Variants in ACTN4 observed in about 807,000 individuals in gnomAD.
ACTN4 encodes the protein actinin alpha 4, also known as alpha-actinin-4.
Under a neutral mutation model 114.2 loss-of-function variants are expected in ACTN4, and 18 were observed. The observed-to-expected ratio is 0.16, with a 90% CI of 0.11 to 0.23. ACTN4 has a LOEUF of 0.23. Ranked by LOEUF, ACTN4 falls within the 10% of genes least tolerant of loss-of-function variation. The pLI is 1.00. For missense variants in ACTN4, 722 were observed against 1,262.9 expected (o/e 0.57, Z 6.49); for synonymous variants, 515 against 506.3 (o/e 1.02, Z -0.23).
intron 1 of ACTN4, among the ~76,000 whole-genome samples, chr19:38,650,495 A>G (rs552528264): frequency 3.3e-5 from 5 of 152,226 alleles, no homozygotes; most frequent in Non-Finnish European, 7.4e-5. Context: ...CGCTAATACC[A>G]TCTGCTTTCG....
intron 1 of ACTN4, among the ~76,000 whole-genome samples, chr19:38,691,968 G>A (rs887853280): frequency 6.6e-6 from 1 of 152,098 alleles, no homozygotes; most frequent in Admixed American, 6.6e-5. Context: ...GCACCTCAAA[G>A]GGGATTGTCC....
At position 38,730,672 on chromosome 19, in the gene ACTN4, TG is replaced by T; in HGVS notation, c.*1241del. On this transcript the variant is annotated 3_prime_UTR_variant, in exon 21 of 21. Transcript: ENST00000252699. ...GCTCGAGAAGGGCTGTCGCTGTTCT[TG>T]TTTCTGAGTGAGGAGTACGCAGGCC... The T allele has an allele frequency of 1.5e-6, 1 of 687,712 alleles. No homozygotes were observed. The highest frequency in any genetic ancestry group is 2.5e-6 in the Non-Finnish European group (1 of 402,462). The allele number at this position is 687,712 out of a possible 1,614,324, so 42.6% of individuals were successfully genotyped here. A position where few individuals can be genotyped will look rare whatever the true frequency, so the allele number is the denominator to read the frequency against.
chr19:38,711,416 C>T lies in ACTN4; in HGVS notation c.819+1074C>T, dbSNP rs73038918. 145,779 of 875,050 alleles carry T rather than the reference C, an allele frequency of 0.17. 12,843 individuals are homozygous for T. Among genetic ancestry groups the T allele is most frequent in the Middle Eastern group, 0.31 (580 of 1,848 alleles). The allele number at this position is 875,050 out of a possible 1,614,324, so 54.2% of individuals were successfully genotyped here. On this transcript the variant is annotated intron_variant, in intron 8 of 20. Coordinates refer to ENST00000252699, the MANE Select transcript of ACTN4 (RefSeq NM_004924.6). Reference sequence around the variant, plus strand: ...GGGGCTGCAGACCTGCCTTCACCACCGCCCTTGCATCACCGCTGGCCATCT... The same window carrying T: ...GGGGCTGCAGACCTGCCTTCACCACTGCCCTTGCATCACCGCTGGCCATCT...
chr19:38,666,223 TC>T lies in ACTN4; in HGVS notation c.162+18323del, dbSNP rs3840936. 9.6e-3 allele frequency among the ~76,000 whole-genome samples: 1,448 copies of T among 151,000 alleles called. 78 individuals carry two copies. In the East Asian group the frequency reaches 0.13, roughly 13 times the overall value. On this transcript the variant is annotated intron_variant, in intron 1 of 20. Transcript: ENST00000252699. ...ATGCCATTCTTCAACTTCGCCCCTG[TC>T]CCCCCCAAAAGCAATCAAATCCACA...
Position 38,701,094 on chromosome 19 carries a change from G to A in ACTN4, c.370G>A (p.Val124Ile), listed in dbSNP as rs1216058614. ...KALDFIASKGVKLVSIGAEEI... is the reference protein window; with the variant it reads ...KALDFIASKGIKLVSIGAEEI... ...GCTGGACTTTATTGCCAGCAAAGGCGTCAAGCTGGTCTCCATCGGGGCAGA... is the reference window on the plus strand; with the variant it reads ...GCTGGACTTTATTGCCAGCAAAGGCATCAAGCTGGTCTCCATCGGGGCAGA... Residue 124 changes from valine (V) to isoleucine (I), a missense_variant, in exon 3 of 21, where the codon GTC (valine) becomes ATC (isoleucine). This residue lies in a region of ACTN4 where 127 missense variants were observed against 311.3 expected (regional missense o/e 0.41). Coordinates refer to ENST00000252699, the MANE Select transcript of ACTN4 (RefSeq NM_004924.6). 4.3e-6 allele frequency: 7 copies of A among 1,613,976 alleles called. No homozygotes were observed. Among genetic ancestry groups the A allele is most frequent in the Admixed American group, 1.7e-5 (1 of 60,010 alleles).
intron 1 of ACTN4, among the ~76,000 whole-genome samples, chr19:38,696,839 A>G (rs34899634): frequency 0.057 from 8,622 of 152,314 alleles, 259 homozygotes; most frequent in South Asian, 0.096. Flanking sequence ...GCGAGTGGGC[A>G]TCCTCCCTGA....
intron 1 of ACTN4, among the ~76,000 whole-genome samples, chr19:38,662,008 C>G (rs2144851857): frequency 6.6e-6 from 1 of 152,334 alleles, no homozygotes. Context: ...CTCTATAAAT[C>G]CCTCTTTCAC....
chr19:38,652,959 G>T (rs1320651941), intron 1 of ACTN4, among the ~76,000 whole-genome samples: 7 of 152,070 alleles, frequency 4.6e-5, no homozygotes, highest in Non-Finnish European at 1.0e-4. Context: ...GGTGGCAGGT[G>T]CCTGTAATCC....
intron 1 of ACTN4, among the ~76,000 whole-genome samples, chr19:38,672,160 C>A (rs8182484): frequency 0.15 from 22,675 of 151,376 alleles, 1,999 homozygotes; most frequent in Middle Eastern, 0.37. Context: ...AGGGTAGGGA[C>A]GAACATGGCG....
At chr19:38,706,838 T>C (rs948480363) in intron 5 of ACTN4, among the ~76,000 whole-genome samples, 2 of 152,230 alleles carry the variant, frequency 1.3e-5, no homozygotes, top group Admixed American at 1.3e-4. Context: ...AGCTCCACCA[T>C]GAACCTGCTT....
chr19:38,728,508 CG>C (rs1254200146), intron 19 of ACTN4: 1 of 674,462 alleles, frequency 1.5e-6, no homozygotes. Context: ...GACACTCCTC[CG>C]CCCGAGCAGC....
chr19:38,670,125 C>T (rs905751180), intron 1 of ACTN4, among the ~76,000 whole-genome samples: 5 of 152,132 alleles, frequency 3.3e-5, no homozygotes, highest in African/African-American at 9.7e-5. Context: ...CCCCTCCCAG[C>T]CCCACCATTC....
chr19:38,704,267 C>T (rs1211429659), intron 3 of ACTN4, among the ~76,000 whole-genome samples: 3 of 152,244 alleles, frequency 2.0e-5, no homozygotes, highest in Non-Finnish European at 2.9e-5. Flanking sequence ...GCTATGACTA[C>T]ACCATTGCAC....
At chr19:38,670,935 AAAAC>A (rs1358984188) in intron 1 of ACTN4, among the ~76,000 whole-genome samples, 1 of 151,616 alleles carries the variant, frequency 6.6e-6, no homozygotes, top group Non-Finnish European at 1.5e-5. Context: ...AAAAAAAAAA[AAAAC>A]CTGCAGGCCA....
rs1969181794 is a variant in ACTN4, at chr19:38,724,909, G to T, written c.2010+344G>T. On this transcript the variant is annotated intron_variant, in intron 16 of 20. Coordinates refer to ENST00000252699, the MANE Select transcript of ACTN4 (RefSeq NM_004924.6). This position sits in a 1 kb window ranked among gnomAD's most constrained non-coding sequence, Gnocchi z 7.0. The stretch of plus-strand genomic sequence containing the variant: ...GGAGGTCGAGGCTGCCGTGAGCTAC[G>T]ATCATGCCACTGCACTTCAGCCTGA... 6.6e-6 allele frequency among the ~76,000 whole-genome samples: 1 copy of T among 152,198 alleles called. No homozygotes were observed. Among genetic ancestry groups the T allele is most frequent in the African/African-American group, 2.4e-5 (1 of 41,454 alleles).
Position 38,729,024 on chromosome 19 carries a change from G to T in ACTN4, c.2447G>T (p.Ser816Ile). 6.2e-7 allele frequency: 1 copy of T among 1,613,446 alleles called. No homozygotes were observed. The highest frequency in any genetic ancestry group is 8.5e-7 in the Non-Finnish European group (1 of 1,180,020). Residue 816 changes from serine (S) to isoleucine (I), a missense_variant, in exon 20 of 21, where the codon AGC (serine) becomes ATC (isoleucine). Physicochemically the swap from Ser to Ile is moderately radical, Grantham distance 142 (BLOSUM62 -2). Transcript: ENST00000252699. Reference sequence around the variant, plus strand: ...GAGGCCGAGTTCAACCGCATCATGAGCCTGGTCGACCCCAACCATAGCGGC... The same window carrying T: ...GAGGCCGAGTTCAACCGCATCATGATCCTGGTCGACCCCAACCATAGCGGC... ...QGEAEFNRIM[S>I]LVDPNHSGLV...
rs79226268 is a variant in ACTN4 at position 38,650,284 on chromosome 19, C to T, written c.162+2377C>T. Among the ~76,000 whole-genome samples, 1,176 of 152,226 alleles carry T rather than the reference C, an allele frequency of 7.7e-3. 15 individuals carry two copies. The highest frequency in any genetic ancestry group is 0.027 in the African/African-American group (1,111 of 41,534). On this transcript the variant is annotated intron_variant, in intron 1 of 20. Coordinates refer to ENST00000252699, the MANE Select transcript of ACTN4 (RefSeq NM_004924.6). The stretch of plus-strand genomic sequence containing the variant: ...TTGCGAGCCGGGTTTCACTCCCTCC[C>T]GAGAGTTAGGGTGTGGGCTTTGTTC...
rs540150650 is a variant in ACTN4, at chr19:38,660,187, G to A, written c.162+12280G>A. ...TCCACCCGCTTTGGCCTCCCAGAGT[G>A]CTGGGATTACAGGCATGGGCCACCG... On this transcript the variant is annotated intron_variant, in intron 1 of 20. Coordinates refer to ENST00000252699, the MANE Select transcript of ACTN4 (RefSeq NM_004924.6). Among the ~76,000 whole-genome samples, 17 of 152,324 alleles carry A rather than the reference G, an allele frequency of 1.1e-4. No individual in the cohort carries two copies. In the East Asian group the frequency reaches 2.5e-3, roughly 22 times the overall value.
chr19:38,708,343 G>A, intron 6 of ACTN4, 148 bp downstream of exon 6: 1 of 854,860 alleles, frequency 1.2e-6, no homozygotes, highest in South Asian at 1.4e-5. Context: ...CCTTGTGCAG[G>A]CTCTCCGCAA....
Sources: allele counts gnomAD v4.1 joint callset (sites outside exome capture counted in the v4.1 genomes callset), GRCh38; gene constraint gnomAD v4.1.1; regional missense constraint gnomAD v4.1.1; non-coding constraint Gnocchi (gnomAD v3.1); transcripts MANE v1.5; gene names NCBI Gene and HGNC (gene_info 2026-07-23, HGNC 2026-07-21).